PAM: variants seen among roughly 807,000 people sequenced by gnomAD.
The protein encoded by PAM is peptidyl-glycine alpha-amidating monooxygenase.
Under a neutral mutation model 122.1 loss-of-function variants are expected in PAM, and 72 were observed. The ratio of observed to expected loss-of-function variants is 0.59; its 90% CI spans 0.49 to 0.72. The LOEUF (loss-of-function observed/expected upper bound fraction) is 0.72. Among genes scored for constraint, PAM ranks in the 30% least tolerant of loss-of-function variants. PAM has a pLI of 0.00. For missense variants in PAM, 1,106 were observed against 1,183.7 expected (o/e 0.93, Z 0.96); for synonymous variants, 389 against 404.4 (o/e 0.96, Z 0.46).
chr5:102,886,353 A>G (rs1793083527), intron 3 of PAM, among the ~76,000 whole-genome samples: 1 of 152,022 alleles, frequency 6.6e-6, no homozygotes, highest in Non-Finnish European at 1.5e-5. Context: ...ATGAGTATTA[A>G]TAGAGTTAAT....
At chr5:103,007,192 T>TACACACACAC (rs56140031) in intron 19 of PAM, among the ~76,000 whole-genome samples, 181 bp downstream of exon 19, 2,398 of 141,532 alleles carry the variant, frequency 0.017, 66 homozygotes, top group African/African-American at 0.057. Flanking sequence ...CACATATACA[T>TACACACACAC]ACACACACAC....
intron 8 of PAM, among the ~76,000 whole-genome samples, chr5:102,947,736 G>T (rs1158887440): frequency 6.6e-6 from 1 of 152,122 alleles, no homozygotes; most frequent in African/African-American, 2.4e-5. Flanking sequence ...CCACATTAAA[G>T]GGCAGGGGAT....
At chr5:102,768,200 T>C (rs1201907571) in intron 1 of PAM, among the ~76,000 whole-genome samples, 1 of 152,106 alleles carries the variant, frequency 6.6e-6, no homozygotes, top group African/African-American at 2.4e-5. Flanking sequence ...TTTTTCTAAA[T>C]TTTTTTAATT....
intron 1 of PAM, among the ~76,000 whole-genome samples, chr5:102,805,414 A>G (rs1289606396): frequency 6.6e-6 from 1 of 152,070 alleles, no homozygotes; most frequent in Non-Finnish European, 1.5e-5. Flanking sequence ...TTGAGAATTT[A>G]CACTATTGTT....
At chr5:102,894,800 T>C (rs1369896082) in intron 3 of PAM, among the ~76,000 whole-genome samples, 2 of 151,778 alleles carry the variant, frequency 1.3e-5, no homozygotes, top group African/African-American at 4.8e-5. Flanking sequence ...GGAGTTATTC[T>C]CAACACTGCC....
chr5:102,829,334 T>C (rs1055286525), intron 1 of PAM, among the ~76,000 whole-genome samples: 7 of 151,238 alleles, frequency 4.6e-5, no homozygotes, highest in Non-Finnish European at 8.8e-5. Context: ...AGTCGTTAAA[T>C]AAGAAAGCTG....
At chr5:102,823,825 A>G (rs1262057381) in intron 1 of PAM, among the ~76,000 whole-genome samples, 1 of 152,212 alleles carries the variant, frequency 6.6e-6, no homozygotes, top group Non-Finnish European at 1.5e-5. Context: ...TTCACTTCAT[A>G]GAGCAGAGTC....
At chr5:102,789,863 C>T (rs940387678) in intron 1 of PAM, among the ~76,000 whole-genome samples, 1 of 152,024 alleles carries the variant, frequency 6.6e-6, no homozygotes, top group Non-Finnish European at 1.5e-5. Flanking sequence ...TAATAAAATG[C>T]TTCCAGTCCT....
chr5:102,864,257 C>T (rs1040740419), intron 1 of PAM, among the ~76,000 whole-genome samples: 3 of 149,400 alleles, frequency 2.0e-5, no homozygotes, highest in Non-Finnish European at 3.0e-5. Context: ...TTGTTGCTAG[C>T]AAAGGCAATA....
intron 5 of PAM, among the ~76,000 whole-genome samples, 181 bp from the exon 6 acceptor site, chr5:102,924,776 T>A (rs1327465113): frequency 1.3e-5 from 2 of 152,192 alleles, no homozygotes; most frequent in African/African-American, 4.8e-5. Context: ...GTGCTTTTTT[T>A]CACACAGTAA....
At chr5:102,812,812 A>G (rs1330434710) in intron 1 of PAM, among the ~76,000 whole-genome samples, 2 of 152,116 alleles carry the variant, frequency 1.3e-5, no homozygotes, top group Non-Finnish European at 2.9e-5. Context: ...AAATAATGAA[A>G]TAGCAATCTA....
intron 15 of PAM, 38 bp downstream of exon 15, chr5:102,974,474 A>G (rs1233878809): frequency 7.2e-7 from 1 of 1,383,052 alleles, no homozygotes; most frequent in Non-Finnish European, 1.0e-6. Flanking sequence ...AAAGTGTGAA[A>G]TGCTACAATC....
chr5:102,971,802 G>T (rs1284803982), intron 14 of PAM, among the ~76,000 whole-genome samples: 1 of 152,012 alleles, frequency 6.6e-6, no homozygotes, highest in African/African-American at 2.4e-5. Context: ...TAAGAAAATT[G>T]GTTAACATTT....
intron 1 of PAM, among the ~76,000 whole-genome samples, chr5:102,829,295 A>G (rs1217812013): frequency 6.6e-6 from 1 of 152,158 alleles, no homozygotes; most frequent in Non-Finnish European, 1.5e-5. Flanking sequence ...TCATATAAAC[A>G]GCTACCTTTT....
intron 15 of PAM, among the ~76,000 whole-genome samples, chr5:102,979,612 AT>A (rs1472047869): frequency 6.6e-6 from 1 of 152,018 alleles, no homozygotes; most frequent in East Asian, 1.9e-4. Context: ...CTGGGTTTGA[AT>A]TTTTTCCTCA....
chr5:102,908,525 C>T (rs1244282862), intron 4 of PAM, among the ~76,000 whole-genome samples: 4 of 143,374 alleles, frequency 2.8e-5, no homozygotes, highest in East Asian at 2.1e-4. Flanking sequence ...AATGAGATCA[C>T]ATGGACACAG....
At chr5:102,968,865 T>C (rs1253610798) in intron 14 of PAM, among the ~76,000 whole-genome samples, 1 of 152,008 alleles carries the variant, frequency 6.6e-6, no homozygotes, top group East Asian at 1.9e-4. Flanking sequence ...CTGCACTGGA[T>C]AAAGAAAATG....
intron 10 of PAM, 133 bp downstream of exon 10, chr5:102,949,750 T>C: frequency 8.7e-6 from 6 of 690,130 alleles, no homozygotes; most frequent in Non-Finnish European, 1.0e-5. Context: ...TGAAATATTT[T>C]ATGCTGTTTT....
At chr5:102,852,564 C>G (rs916759852) in intron 1 of PAM, among the ~76,000 whole-genome samples, 1 of 151,268 alleles carries the variant, frequency 6.6e-6, no homozygotes, top group African/African-American at 2.4e-5. Flanking sequence ...GTTAGTCGCA[C>G]CAGGATCAAA....
Sources: allele counts gnomAD v4.1 joint callset (sites outside exome capture counted in the v4.1 genomes callset), GRCh38; gene constraint gnomAD v4.1.1; transcripts MANE v1.5; gene names NCBI Gene and HGNC (gene_info 2026-07-23, HGNC 2026-07-21).